The following PTPRG variants were observed in gnomAD, a reference collection of about 807,000 sequenced individuals.
PTPRG encodes the protein receptor-type tyrosine-protein phosphatase gamma.
PTPRG carries 102 observed loss-of-function variants against 165.3 expected under a neutral mutation model. The observed-to-expected ratio is 0.62, with a 90% confidence interval of 0.53 to 0.73. The LOEUF (loss-of-function observed/expected upper bound fraction) is 0.73, where lower values mean the gene tolerates loss of function less well. PTPRG is among the 30% of genes least tolerant of loss of function. The pLI is 0.00. For synonymous variants in PTPRG, 675 were observed against 669.5 expected (o/e 1.01, Z -0.13); for missense variants, 1,866 against 1,861.4 (o/e 1.00, Z -0.05).
intron 2 of PTPRG, among the ~76,000 whole-genome samples, chr3:61,860,999 T>A (rs1317110847): frequency 1.3e-5 from 2 of 152,072 alleles, no homozygotes; most frequent in Non-Finnish European, 2.9e-5. Flanking sequence ...AACCACTAAT[T>A]TATCCTGCAT....
intron 3 of PTPRG, among the ~76,000 whole-genome samples, chr3:61,997,488 G>A (rs2041068413): frequency 6.6e-6 from 1 of 152,076 alleles, no homozygotes; most frequent in African/African-American, 2.4e-5. Context: ...CTACCACAGG[G>A]CCATTGATTC....
At chr3:62,138,714 C>CAAAAAAA (rs563632840) in intron 6 of PTPRG, among the ~76,000 whole-genome samples, 51 of 91,226 alleles carry the variant, frequency 5.6e-4, no homozygotes, top group Middle Eastern at 6.4e-3. Context: ...GGCAAAGCTC[C>CAAAAAAA]AAAAAAAAAA....
At chr3:61,658,310 C>T (rs746295282) in intron 1 of PTPRG, among the ~76,000 whole-genome samples, 8 of 152,082 alleles carry the variant, frequency 5.3e-5, no homozygotes, top group Admixed American at 3.9e-4. Context: ...CCTGATGAGA[C>T]GGTGTCCTAG....
At chr3:62,076,560 T>A (rs1035961058) in intron 4 of PTPRG, among the ~76,000 whole-genome samples, 1 of 151,592 alleles carries the variant, frequency 6.6e-6, no homozygotes. Flanking sequence ...GGATACCCAA[T>A]GGTTCATTTT....
At chr3:62,276,000 T>A in intron 24 of PTPRG, 34 bp downstream of exon 24, 1 of 1,485,930 alleles carries the variant, frequency 6.7e-7, no homozygotes, top group Non-Finnish European at 9.3e-7. Flanking sequence ...AGTGATCTTT[T>A]ATACTGGATT....
At chr3:61,670,735 C>T (rs112031038) in intron 1 of PTPRG, among the ~76,000 whole-genome samples, 28 of 152,272 alleles carry the variant, frequency 1.8e-4, no homozygotes, top group African/African-American at 5.5e-4. Flanking sequence ...AGACTGGGCG[C>T]GAGTTTTCAC....
intron 2 of PTPRG, among the ~76,000 whole-genome samples, chr3:61,968,626 T>C (rs1331877225): frequency 6.6e-6 from 1 of 152,220 alleles, no homozygotes; most frequent in Non-Finnish European, 1.5e-5. Context: ...TTTATAGATC[T>C]ATTTGATATA....
chr3:61,592,641 C>CTTTTTTTTTTTTTTTTT (rs773860673), intron 1 of PTPRG, among the ~76,000 whole-genome samples: 16 of 139,968 alleles, frequency 1.1e-4, no homozygotes, highest in African/African-American at 2.6e-4. Context: ...TTCTTTCTTT[C>CTTTTTTTTTTTTTTTTT]TTTCTTTCTT....
At chr3:61,864,010 C>T (rs1482066047) in intron 2 of PTPRG, among the ~76,000 whole-genome samples, 1 of 152,076 alleles carries the variant, frequency 6.6e-6, no homozygotes, top group Non-Finnish European at 1.5e-5. Flanking sequence ...GAGGTCCAGC[C>T]CTGGATCTTA....
Position 62,224,566 on chromosome 3 carries a change from T to C in PTPRG, c.2288+5583T>C, listed in dbSNP as rs1327905240. Among the ~76,000 whole-genome samples the C allele has an allele frequency of 6.6e-6, 1 of 152,212 alleles. No homozygotes were observed. The highest frequency in any genetic ancestry group is 1.5e-5 in the Non-Finnish European group (1 of 68,038). On this transcript the variant is annotated intron_variant, in intron 13 of 29. Transcript: ENST00000474889. This position sits in a 1 kb window ranked among gnomAD's most constrained non-coding sequence, Gnocchi z 4.9. ...GTATTTGTTAAGCACTGCCACAGTA[T>C]TCTTAAATATTTAAACCCATTGGTA...
chr3:61,664,704 G>T (rs1019364304), intron 1 of PTPRG, among the ~76,000 whole-genome samples: 1 of 152,102 alleles, frequency 6.6e-6, no homozygotes, highest in South Asian at 2.1e-4. Flanking sequence ...GGTTGTACAC[G>T]CCTGTAATCC....
At chr3:61,994,071 G>T (rs1559734687) in intron 3 of PTPRG, among the ~76,000 whole-genome samples, 1 of 152,138 alleles carries the variant, frequency 6.6e-6, no homozygotes. Context: ...TCTTCCTGAG[G>T]AGCCGTAACT....
intron 2 of PTPRG, among the ~76,000 whole-genome samples, chr3:61,865,592 G>C (rs958485219): frequency 6.6e-6 from 1 of 152,162 alleles, no homozygotes; most frequent in Non-Finnish European, 1.5e-5. Context: ...CCGATACCTG[G>C]TCATAATGAA....
At chr3:62,226,170 A>G (rs1700759381) in intron 13 of PTPRG, among the ~76,000 whole-genome samples, 3 of 152,240 alleles carry the variant, frequency 2.0e-5, no homozygotes, top group African/African-American at 7.2e-5. Flanking sequence ...ATTTGACTTC[A>G]TAGCCCACTG....
At chr3:61,910,584 G>C (rs1180277114) in intron 2 of PTPRG, among the ~76,000 whole-genome samples, 2 of 152,154 alleles carry the variant, frequency 1.3e-5, no homozygotes, top group Non-Finnish European at 2.9e-5. Context: ...GGTAGTGACT[G>C]TGTTTTCTTA....
At chr3:61,729,810 A>G (rs2032419182) in intron 1 of PTPRG, among the ~76,000 whole-genome samples, 1 of 152,106 alleles carries the variant, frequency 6.6e-6, no homozygotes, top group Non-Finnish European at 1.5e-5. Context: ...TGCCTATTTA[A>G]TGTACTCTGC....
At chr3:61,735,579 G>C (rs536460321) in intron 1 of PTPRG, among the ~76,000 whole-genome samples, 7 of 148,848 alleles carry the variant, frequency 4.7e-5, no homozygotes, top group South Asian at 2.2e-4. Context: ...TACATTGATT[G>C]AATCAAACAA....
chr3:61,635,686 C>T (rs1279991462), intron 1 of PTPRG, among the ~76,000 whole-genome samples: 2 of 152,048 alleles, frequency 1.3e-5, no homozygotes, highest in Non-Finnish European at 2.9e-5. Context: ...CTTCTTTTTA[C>T]AAAACAGAAA....
chr3:61,776,460 A>T (rs1044036085), intron 2 of PTPRG, among the ~76,000 whole-genome samples: 1 of 152,186 alleles, frequency 6.6e-6, no homozygotes, highest in Non-Finnish European at 1.5e-5. Context: ...CTTTATGCTT[A>T]TGGTAAGAAC....
Sources: gnomAD v4.1 joint callset for allele counts (sites outside exome capture counted in the v4.1 genomes callset) on GRCh38, gnomAD v4.1.1 for gene constraint, Gnocchi (gnomAD v3.1) non-coding constraint, MANE v1.5 for transcripts, NCBI Gene and HGNC (gene_info 2026-07-23, HGNC 2026-07-21) for gene names.